Variants in TMCC3 observed in about 807,000 individuals in gnomAD.
TMCC3 encodes the protein transmembrane and coiled-coil domain protein 3.
A neutral mutation model predicts 40.2 loss-of-function variants in TMCC3; 28 were observed. The observed-to-expected ratio is 0.70, with a 90% CI of 0.52 to 0.95. The LOEUF (loss-of-function observed/expected upper bound fraction) is 0.95. TMCC3 is among the 40% of genes least tolerant of loss of function. The pLI is 0.00. For missense variants in TMCC3, 554 were observed against 615.2 expected (o/e 0.90, Z 1.05); for synonymous variants, 255 against 248.5 (o/e 1.03, Z -0.25).
chr12:94,628,963 G>A (rs944179033), intron 1 of TMCC3, among the ~76,000 whole-genome samples: 2 of 152,152 alleles, frequency 1.3e-5, no homozygotes, highest in Non-Finnish European at 2.9e-5. Context: ...GAAAAAAGGT[G>A]ATGGATTTGG....
rs1473930768 is a variant in TMCC3 at position 94,590,972 on chromosome 12, A to T, written c.79-8434T>A. On this transcript the variant is annotated intron_variant, in intron 1 of 3. Transcript: ENST00000261226. ...TCACATGCTTATGATCAACATTTAA[A>T]TATGATCTTGGGAGATGAGGAAGAA... 2.3e-5 allele frequency: 13 copies of T among 566,960 alleles called. No homozygotes were observed. In the East Asian group the frequency reaches 5.6e-4, roughly 24 times the overall value. 35.1% of individuals were successfully genotyped at this position (566,960 alleles called of 1,614,324 possible).
At chr12:94,633,426 A>G (rs1171252880) in intron 1 of TMCC3, among the ~76,000 whole-genome samples, 1 of 152,196 alleles carries the variant, frequency 6.6e-6, no homozygotes, top group Non-Finnish European at 1.5e-5. Context: ...AGGCAGATAT[A>G]TGGGTATCAT....
intron 1 of TMCC3, chr12:94,591,120 C>G (rs7975236): frequency 2.2e-6 from 1 of 451,112 alleles, no homozygotes; most frequent in Non-Finnish European, 4.4e-6. Flanking sequence ...CCATTGACAG[C>G]TGGATGAAAC....
intron 1 of TMCC3, 88 bp from the exon 2 acceptor site, chr12:94,582,626 C>T (rs2068612041): frequency 6.6e-6 from 8 of 1,217,158 alleles, no homozygotes; most frequent in Admixed American, 2.4e-5. Context: ...AAGATACATA[C>T]ATGAAGTCCC....
chr12:94,635,431 A>G (rs1017544800), intron 1 of TMCC3, among the ~76,000 whole-genome samples: 22 of 152,196 alleles, frequency 1.4e-4, no homozygotes, highest in African/African-American at 4.8e-4. Context: ...TTGGGAAGCA[A>G]CAATACACAT....
chr12:94,613,667 G>T (rs1166671924), intron 1 of TMCC3, among the ~76,000 whole-genome samples: 1 of 152,132 alleles, frequency 6.6e-6, no homozygotes, highest in Non-Finnish European at 1.5e-5. Flanking sequence ...GTGATGTAGG[G>T]ATGCTCAATC....
chr12:94,614,441 T>C (rs1258624243), intron 1 of TMCC3, among the ~76,000 whole-genome samples: 1 of 152,106 alleles, frequency 6.6e-6, no homozygotes, highest in African/African-American at 2.4e-5. Flanking sequence ...CTCCTCTCCA[T>C]AAACTGACTA....
chr12:94,603,237 A>C (rs1020469281), intron 1 of TMCC3, among the ~76,000 whole-genome samples: 1 of 152,072 alleles, frequency 6.6e-6, no homozygotes, highest in African/African-American at 2.4e-5. Flanking sequence ...GACGTGCACC[A>C]CCACGCCTGG....
At chr12:94,577,817 A>G (rs997771787) in intron 3 of TMCC3, among the ~76,000 whole-genome samples, 1 of 152,082 alleles carries the variant, frequency 6.6e-6, no homozygotes, top group Non-Finnish European at 1.5e-5. Context: ...TGGATAATAA[A>G]TACTTGTTCA....
At chr12:94,601,859 T>A (rs2068755398) in intron 1 of TMCC3, among the ~76,000 whole-genome samples, 2 of 147,614 alleles carry the variant, frequency 1.4e-5, no homozygotes, top group Admixed American at 1.4e-4. Context: ...GAAAGGGACC[T>A]GGTGTCTGTA....
chr12:94,606,904 A>G (rs2068786910), intron 1 of TMCC3, among the ~76,000 whole-genome samples: 1 of 152,178 alleles, frequency 6.6e-6, no homozygotes, highest in Non-Finnish European at 1.5e-5. Context: ...TTAACAGGAA[A>G]CAGGTGAGAG....
At chr12:94,637,472 G>A (rs2068966507) in intron 1 of TMCC3, among the ~76,000 whole-genome samples, 1 of 152,220 alleles carries the variant, frequency 6.6e-6, no homozygotes, top group Non-Finnish European at 1.5e-5. Context: ...GAAGCGATGT[G>A]GGTAAAGGCA....
intron 1 of TMCC3, among the ~76,000 whole-genome samples, chr12:94,631,674 ATTAT>A (rs1227663453): frequency 2.0e-5 from 3 of 152,234 alleles, no homozygotes; most frequent in Non-Finnish European, 2.9e-5. Context: ...GCCCTAGCAA[ATTAT>A]CACATTAGGT....
At chr12:94,615,960 C>T (rs1048763363) in intron 1 of TMCC3, 49 of 985,366 alleles carry the variant, frequency 5.0e-5, no homozygotes, top group Non-Finnish European at 5.4e-5. Flanking sequence ...AGAGCAGGAT[C>T]GGCAGCTAGC....
chr12:94,570,907 ACT>A lies in TMCC3; in HGVS notation c.*526_*527del, dbSNP rs2068523189. The A allele has an allele frequency of 6.3e-6, 1 of 157,548 alleles. No individual in the cohort carries two copies. Among genetic ancestry groups the A allele is most frequent in the Non-Finnish European group, 1.4e-5 (1 of 71,024 alleles). 9.8% of individuals were successfully genotyped at this position (157,548 alleles called of 1,614,324 possible). ...TCATACACGACTGACTGCTGTGGACACTGAGTACATGACGGGACCTATGGTCC... is the reference window on the plus strand; with the variant it reads ...TCATACACGACTGACTGCTGTGGACAGAGTACATGACGGGACCTATGGTCC... On this transcript the variant is annotated 3_prime_UTR_variant, in exon 4 of 4. Transcript: ENST00000261226.
At chr12:94,650,007 GCGGGTGGC>G (rs1174052934) in intron 1 of TMCC3, among the ~76,000 whole-genome samples, 1 of 152,274 alleles carries the variant, frequency 6.6e-6, no homozygotes, top group East Asian at 1.9e-4. Context: ...ACGCGGGGCC[GCGGGTGGC>G]CGGGTGGCGG....
intron 1 of TMCC3, among the ~76,000 whole-genome samples, chr12:94,590,305 T>C (rs2068666019): frequency 6.9e-6 from 1 of 145,962 alleles, no homozygotes. Context: ...GGGGTTTTAC[T>C]ATGTTGGCCA....
At chr12:94,600,112 C>T (rs1011458751) in intron 1 of TMCC3, among the ~76,000 whole-genome samples, 3 of 151,988 alleles carry the variant, frequency 2.0e-5, no homozygotes, top group Admixed American at 6.6e-5. Flanking sequence ...CTTGTTTTTA[C>T]AGATATTATG....
intron 1 of TMCC3, among the ~76,000 whole-genome samples, chr12:94,591,971 T>C (rs1382877537): frequency 6.6e-6 from 1 of 152,198 alleles, no homozygotes; most frequent in Non-Finnish European, 1.5e-5. Context: ...CTCCTTGTTA[T>C]CTGTTACTAG....
Sources: allele counts gnomAD v4.1 joint callset (sites outside exome capture counted in the v4.1 genomes callset), GRCh38; gene constraint gnomAD v4.1.1; transcripts MANE v1.5; gene names NCBI Gene and HGNC (gene_info 2026-07-23, HGNC 2026-07-21).